TRERF1: variants seen among roughly 807,000 people sequenced by gnomAD.
TRERF1 encodes the protein transcriptional-regulating factor 1.
Under a neutral mutation model 122.9 loss-of-function variants are expected in TRERF1, and 27 were observed. The observed-to-expected ratio is 0.22, with a 90% CI of 0.16 to 0.30. TRERF1 has a LOEUF of 0.30. Ranked by LOEUF, TRERF1 falls within the 10% of genes least tolerant of loss-of-function variation. The pLI, the probability that TRERF1 is intolerant of heterozygous loss-of-function variation, is 1.00. For synonymous variants in TRERF1, 636 were observed against 641.7 expected, an observed-to-expected ratio of 0.99 and a Z score of 0.13; for missense variants, 1,248 against 1,560.3, an observed-to-expected ratio of 0.80 and a Z score of 3.37.
chr6:42,400,166 G>A (rs1033290416), intron 2 of TRERF1, among the ~76,000 whole-genome samples: 6 of 152,164 alleles, frequency 3.9e-5, no homozygotes, highest in Non-Finnish European at 8.8e-5. Flanking sequence ...TTTGTGTGGA[G>A]AAAAATACTC....
chr6:42,298,499 A>T (rs1301456328), intron 4 of TRERF1, among the ~76,000 whole-genome samples: 2 of 151,720 alleles, frequency 1.3e-5, no homozygotes, highest in East Asian at 3.9e-4. Flanking sequence ...GCACAGAGAG[A>T]CAAAGAGATG....
At position 42,408,210 on chromosome 6, in the gene TRERF1, A is replaced by AATATATATATATATATAT. The variant is rs34821629; in HGVS notation, c.-454+42949_-454+42966dup. ...TTCCATTAACTTCGCTATATAAATA[A>AATATATATATATATATAT]ATATATATATATATATATGTGTGTG... On this transcript the variant is annotated intron_variant, in intron 2 of 17. Coordinates refer to ENST00000372922, the Ensembl canonical transcript of TRERF1. 2.0e-3 allele frequency among the ~76,000 whole-genome samples: 213 copies of AATATATATATATATATAT among 107,088 alleles called. 3 individuals are homozygous for AATATATATATATATATAT. The highest frequency in any genetic ancestry group is 2.8e-3 in the Non-Finnish European group (154 of 54,164). The allele number at this position is 107,088 out of a possible 152,430, so 70.3% of individuals were successfully genotyped here.
At chr6:42,261,434 G>A (rs1197838269) in intron 8 of TRERF1, among the ~76,000 whole-genome samples, 1 of 152,136 alleles carries the variant, frequency 6.6e-6, no homozygotes, top group African/African-American at 2.4e-5. Context: ...TGTCATATAT[G>A]GTTGTCACTT....
intron 3 of TRERF1, among the ~76,000 whole-genome samples, chr6:42,304,579 C>T (rs1786814678): frequency 1.3e-5 from 2 of 152,222 alleles, no homozygotes; most frequent in Non-Finnish European, 2.9e-5. Flanking sequence ...TCAGAGTCAG[C>T]TATTGCTGAC....
chr6:42,320,188 C>T (rs903592334), intron 3 of TRERF1, among the ~76,000 whole-genome samples: 38 of 152,110 alleles, frequency 2.5e-4, no homozygotes, highest in Admixed American at 1.1e-3. Context: ...CATGAGCCAC[C>T]GCACCCAGCC....
intron 4 of TRERF1, among the ~76,000 whole-genome samples, chr6:42,288,483 G>A (rs1035404821): frequency 2.0e-5 from 3 of 150,154 alleles, no homozygotes; most frequent in Admixed American, 1.3e-4. Flanking sequence ...CAGGAGAATC[G>A]CTTGAATCCA....
chr6:42,299,402 C>CCCAAT (rs1032852450), intron 4 of TRERF1, among the ~76,000 whole-genome samples: 2 of 152,022 alleles, frequency 1.3e-5, no homozygotes, highest in Admixed American at 1.3e-4. Flanking sequence ...AGAAATAAAT[C>CCCAAT]CCAATTCATC....
chr6:42,403,518 C>T lies in TRERF1; in HGVS notation c.-453-40439G>A, dbSNP rs190648108. On this transcript the variant is annotated intron_variant, in intron 2 of 17. Transcript: ENST00000372922. ...GCCACCAGGAGCCAGGAGAGAGGCACGGAGCAGTTTCTCCCTCAGAACCCC... is the reference window on the plus strand; with the variant it reads ...GCCACCAGGAGCCAGGAGAGAGGCATGGAGCAGTTTCTCCCTCAGAACCCC... Among the ~76,000 whole-genome samples the T allele has an allele frequency of 5.1e-3, 778 of 152,256 alleles. 2 individuals carry two copies. Among genetic ancestry groups the T allele is most frequent in the Non-Finnish European group, 7.8e-3 (532 of 68,028 alleles).
At chr6:42,243,426 T>C (rs1248204463) in intron 14 of TRERF1, 65 bp from the exon 15 acceptor site, 1 of 1,158,964 alleles carries the variant, frequency 8.6e-7, no homozygotes, top group Non-Finnish European at 1.3e-6. Flanking sequence ...AGCAAGCATT[T>C]TTGAATATTT....
At position 42,393,727 on chromosome 6, in the gene TRERF1, A is replaced by G. The variant is rs957248412; in HGVS notation, c.-453-30648T>C. ...GACTAAATATAGGGGAGCTGGTTAA[A>G]TAAGTTATAGAACTTCCGCATAATA... is the stretch of plus-strand genomic sequence containing the variant. On this transcript the variant is annotated intron_variant, in intron 2 of 17. Transcript: ENST00000372922. This position sits in a 1 kb window ranked among gnomAD's most constrained non-coding sequence, Gnocchi z 4.1. Among the ~76,000 whole-genome samples, 1 of 152,258 alleles carries G rather than the reference A, an allele frequency of 6.6e-6. No homozygotes were observed. The highest frequency in any genetic ancestry group is 1.5e-5 in the Non-Finnish European group (1 of 68,048).
chr6:42,334,508 G>T (rs1236481816), intron 3 of TRERF1, among the ~76,000 whole-genome samples: 1 of 152,080 alleles, frequency 6.6e-6, no homozygotes, highest in Non-Finnish European at 1.5e-5. Context: ...TTTTGATTTG[G>T]TTAGCAAAAA....
chr6:42,370,803 C>T (rs1429612646), intron 2 of TRERF1, among the ~76,000 whole-genome samples: 1 of 152,150 alleles, frequency 6.6e-6, no homozygotes, highest in Non-Finnish European at 1.5e-5. Context: ...GGTATAAAGC[C>T]CCTTCCAGAG....
chr6:42,237,091 T>C (rs979628474), intron 15 of TRERF1, among the ~76,000 whole-genome samples: 3 of 152,244 alleles, frequency 2.0e-5, no homozygotes, highest in Non-Finnish European at 2.9e-5. Flanking sequence ...TTTCTATTTA[T>C]TCATTTTCTC....
At chr6:42,379,807 A>G (rs1186594715) in intron 2 of TRERF1, among the ~76,000 whole-genome samples, 1 of 152,238 alleles carries the variant, frequency 6.6e-6, no homozygotes, top group Non-Finnish European at 1.5e-5. Flanking sequence ...CTGGGATGAC[A>G]TGGGATTACA....
At chr6:42,284,651 G>A (rs149837507) in intron 4 of TRERF1, among the ~76,000 whole-genome samples, 6 of 152,298 alleles carry the variant, frequency 3.9e-5, no homozygotes, top group East Asian at 3.9e-4. Flanking sequence ...AACACAGCCC[G>A]TGACTACATT....
rs1292202911 is a variant in TRERF1 at position 42,259,384 on chromosome 6, G to A, written c.2224C>T (p.Leu742=). The A allele has an allele frequency of 6.6e-7, 1 of 1,525,752 alleles. No individual in the cohort carries two copies. The highest frequency in any genetic ancestry group is 2.1e-5 in the Admixed American group (1 of 47,592). The allele number at this position is 1,525,752 out of a possible 1,614,324, so 94.5% of individuals were successfully genotyped here. The change falls in exon 9 of 18, where the codon CTG becomes TTG. Residue 742 remains leucine (L), a synonymous_variant. Transcript: ENST00000372922. This position sits in a 1 kb window ranked among gnomAD's most constrained non-coding sequence, Gnocchi z 4.9. Reference sequence around the variant, plus strand: ...CGTGGTGTGGGCGTCAGGGGCGTCAGGGGCAGCTGCGGGTGGGCGCCAGGG... The same window carrying A: ...CGTGGTGTGGGCGTCAGGGGCGTCAAGGGCAGCTGCGGGTGGGCGCCAGGG...
At chr6:42,390,581 A>G (rs1440608561) in intron 2 of TRERF1, among the ~76,000 whole-genome samples, 2 of 152,142 alleles carry the variant, frequency 1.3e-5, no homozygotes, top group African/African-American at 4.8e-5. Flanking sequence ...TATCACTGTA[A>G]GGTTTCAGTG....
Position 42,263,570 on chromosome 6 carries a change from TAC to T in TRERF1, c.1636-4_1636-3del. 6.6e-7 allele frequency: 1 copy of T among 1,513,204 alleles called. No individual in the cohort carries two copies. The highest frequency in any genetic ancestry group is 2.3e-5 in the East Asian group (1 of 43,194). 93.7% of individuals were successfully genotyped at this position (1,513,204 alleles called of 1,614,324 possible). A position where few individuals can be genotyped will look rare whatever the true frequency, so the allele number is the denominator to read the frequency against. On this transcript the variant is annotated splice_polypyrimidine_tract_variant and splice_region_variant and intron_variant, in intron 7 of 17. Coordinates refer to ENST00000372922, the Ensembl canonical transcript of TRERF1. The surrounding 1 kb of genome is among the most constrained non-coding windows in gnomAD (Gnocchi z 5.6). The stretch of plus-strand genomic sequence containing the variant: ...CGGCAGGACCTTCTCTCCTTCCTCC[TAC>T]ACAGACAATAAAGGCTTTGATCCTG...
At chr6:42,443,899 C>A (rs1269767214) in intron 2 of TRERF1, among the ~76,000 whole-genome samples, 1 of 152,194 alleles carries the variant, frequency 6.6e-6, no homozygotes, top group Non-Finnish European at 1.5e-5. Flanking sequence ...CTGTTCTATG[C>A]CTCTTACCGT....
Sources: gnomAD v4.1 joint callset for allele counts (sites outside exome capture counted in the v4.1 genomes callset) on GRCh38, gnomAD v4.1.1 for gene constraint, Gnocchi (gnomAD v3.1) non-coding constraint, MANE v1.5 for transcripts, NCBI Gene and HGNC (gene_info 2026-07-23, HGNC 2026-07-21) for gene names.